The following MAP3K4 variants were observed in gnomAD, a reference collection of about 807,000 sequenced individuals.
The protein encoded by MAP3K4 is mitogen-activated protein kinase kinase kinase 4, also known as MAP three kinase 1.
MAP3K4 carries 67 observed loss-of-function variants against 185.6 expected under a neutral mutation model. The ratio of observed to expected loss-of-function variants is 0.36; its 90% CI spans 0.30 to 0.44. The LOEUF is 0.44. MAP3K4 is among the 20% of genes least tolerant of loss of function. The pLI, the probability that MAP3K4 is intolerant of heterozygous loss-of-function variation, is 1.00. For synonymous variants in MAP3K4, 702 were observed against 710.4 expected, an observed-to-expected ratio of 0.99 and a Z score of 0.19; for missense variants, 1,551 against 1,995.1, an observed-to-expected ratio of 0.78 and a Z score of 4.24.
chr6:161,049,409 A>C lies in MAP3K4; in HGVS notation c.1137A>C (p.Glu379Asp). 1 of 1,614,156 alleles carries C rather than the reference A, an allele frequency of 6.2e-7. No individual in the cohort carries two copies. The highest frequency in any genetic ancestry group is 1.1e-5 in the South Asian group (1 of 91,086). The change falls in exon 3 of 27, where the codon GAA (glutamate) becomes GAC (aspartate). Residue 379 changes from glutamate (E) to aspartate (D), a missense_variant. Physicochemically the swap from Glu to Asp is conservative, Grantham distance 45. Coordinates refer to ENST00000392142, the MANE Select transcript of MAP3K4 (RefSeq NM_005922.4). This position sits in a 1 kb window ranked among gnomAD's most constrained non-coding sequence, Gnocchi z 8.4. ...TGCAGGCTCTTCAGAAGGACTATGA[A>C]AAATATGCTGCAAAAGACTTCCAGG... is the stretch of plus-strand genomic sequence containing the variant. ...PSLQALQKDY[E>D]KYAAKDFQDR... is the part of the protein sequence containing the mutation.
At position 161,043,259 on chromosome 6, in the gene MAP3K4, A is replaced by G. The variant is rs946449499; in HGVS notation, c.344-5357A>G. ...ATATACAGGCTCAGTGTTCAGCCACACTCTTTTCTTTGCTGCCCTTGTGTC... is the reference window on the plus strand; with the variant it reads ...ATATACAGGCTCAGTGTTCAGCCACGCTCTTTTCTTTGCTGCCCTTGTGTC... On this transcript the variant is annotated intron_variant, in intron 2 of 26. Coordinates refer to ENST00000392142, the MANE Select transcript of MAP3K4 (RefSeq NM_005922.4). This position sits in a 1 kb window ranked among gnomAD's most constrained non-coding sequence, Gnocchi z 4.3. 1.3e-5 allele frequency among the ~76,000 whole-genome samples: 2 copies of G among 151,622 alleles called. No individual in the cohort carries two copies. The highest frequency in any genetic ancestry group is 2.4e-5 in the African/African-American group (1 of 41,216).
Position 161,106,394 on chromosome 6 carries a change from A to T in MAP3K4, c.3857-120A>T, listed in dbSNP as rs1778073816. 1 of 657,258 alleles carries T rather than the reference A, an allele frequency of 1.5e-6. No individual in the cohort carries two copies. Among genetic ancestry groups the T allele is most frequent in the African/African-American group, 1.8e-5 (1 of 55,156 alleles). The allele number at this position is 657,258 out of a possible 1,614,324, so 40.7% of individuals were successfully genotyped here. A position where few individuals can be genotyped will look rare whatever the true frequency, so the allele number is the denominator to read the frequency against. Reference sequence around the variant, plus strand: ...ATTCACCTGCTGTTTATCTGAATAGATAATAAGCTTTGCTGTAATGGAGTG... The same window carrying T: ...ATTCACCTGCTGTTTATCTGAATAGTTAATAAGCTTTGCTGTAATGGAGTG... On this transcript the variant is annotated intron_variant, in intron 19 of 26. Transcript: ENST00000392142. This position sits in a 1 kb window ranked among gnomAD's most constrained non-coding sequence, Gnocchi z 4.9.
At position 161,087,269 on chromosome 6, in the gene MAP3K4, G is replaced by A. The variant is rs1785775195; in HGVS notation, c.2557-419G>A. Among the ~76,000 whole-genome samples, 1 of 152,176 alleles carries A rather than the reference G, an allele frequency of 6.6e-6. No individual in the cohort carries two copies. The highest frequency in any genetic ancestry group is 6.5e-5 in the Admixed American group (1 of 15,284). On this transcript the variant is annotated intron_variant, in intron 9 of 26. Coordinates refer to ENST00000392142, the MANE Select transcript of MAP3K4 (RefSeq NM_005922.4). This position sits in a 1 kb window ranked among gnomAD's most constrained non-coding sequence, Gnocchi z 4.9. ...TGATCTCAAGGAGCCTTCTTGTGATGAACCCCTGGCTCCCTGCCCTGGAAT... is the reference window on the plus strand; with the variant it reads ...TGATCTCAAGGAGCCTTCTTGTGATAAACCCCTGGCTCCCTGCCCTGGAAT...
rs969840952 is a variant in MAP3K4 at position 161,097,277 on chromosome 6, C to T, written c.3524+101C>T. 4 of 969,368 alleles carry T rather than the reference C, an allele frequency of 4.1e-6. No homozygotes were observed. Among genetic ancestry groups the T allele is most frequent in the East Asian group, 2.5e-5 (1 of 40,812 alleles). 60.0% of individuals were successfully genotyped at this position (969,368 alleles called of 1,614,324 possible). A position where few individuals can be genotyped will look rare whatever the true frequency, so the allele number is the denominator to read the frequency against. On this transcript the variant is annotated intron_variant, in intron 16 of 26. Coordinates refer to ENST00000392142, the MANE Select transcript of MAP3K4 (RefSeq NM_005922.4). This position sits in a 1 kb window ranked among gnomAD's most constrained non-coding sequence, Gnocchi z 4.9. The stretch of plus-strand genomic sequence containing the variant: ...GATGCTTGCTCTGAGAGCTAAATAC[C>T]TTTTCTGCATTGTTCGTACGTAAAA...
At chr6:161,000,641 A>G (rs1781222247) in intron 1 of MAP3K4, among the ~76,000 whole-genome samples, 1 of 152,136 alleles carries the variant, frequency 6.6e-6, no homozygotes, top group Non-Finnish European at 1.5e-5. Flanking sequence ...AAAATTTTTC[A>G]CATAGAGCAG....
At position 161,088,038 on chromosome 6, in the gene MAP3K4, G is replaced by A; in HGVS notation, c.2823+84G>A. Reference sequence around the variant, plus strand: ...ACTGTTAGCTGCTCATGAATGAGGGGTTTGACTACCCTAGTAATCACAAGT... The same window carrying A: ...ACTGTTAGCTGCTCATGAATGAGGGATTTGACTACCCTAGTAATCACAAGT... On this transcript the variant is annotated intron_variant, in intron 10 of 26. Transcript: ENST00000392142. This position sits in a 1 kb window ranked among gnomAD's most constrained non-coding sequence, Gnocchi z 4.5. The A allele has an allele frequency of 7.2e-7, 1 of 1,398,538 alleles. No homozygotes were observed. The highest frequency in any genetic ancestry group is 1.3e-5 in the South Asian group (1 of 74,650). The allele number at this position is 1,398,538 out of a possible 1,614,324, so 86.6% of individuals were successfully genotyped here.
At position 160,992,006 on chromosome 6, in the gene MAP3K4, G is replaced by A. The variant is rs551836413; in HGVS notation, c.75G>A (p.Pro25=). ...AVTPAAAMEE[P]PPPPPPPPPP... is the part of the protein sequence containing the mutation. The stretch of plus-strand genomic sequence containing the variant: ...CGCCTGCCGCCGCCATGGAGGAGCC[G>A]CCGCCACCGCCGCCGCCGCCACCAC... The change falls in exon 1 of 27, where the codon CCG becomes CCA. Residue 25 remains proline (P), a synonymous_variant. Transcript: ENST00000392142. 1.3e-6 allele frequency: 2 copies of A among 1,543,834 alleles called. No homozygotes were observed. The highest frequency in any genetic ancestry group is 1.9e-5 in the Admixed American group (1 of 52,622).
At position 161,092,117 on chromosome 6, in the gene MAP3K4, T is replaced by C. The variant is rs146667244; in HGVS notation, c.3243T>C (p.Cys1081=). 1.2e-6 allele frequency: 2 copies of C among 1,613,908 alleles called. No homozygotes were observed. Among genetic ancestry groups the C allele is most frequent in the Non-Finnish European group, 1.7e-6 (2 of 1,179,868 alleles). ...GGATGAATTATGTCCTGACTAAATGTGAGAGTGGTAGAGGTACAAGACCCA... is the reference window on the plus strand; with the variant it reads ...GGATGAATTATGTCCTGACTAAATGCGAGAGTGGTAGAGGTACAAGACCCA... ...RKWMNYVLTK[C]ESGRGTRPRW... is the part of the protein sequence containing the mutation. Residue 1081 remains cysteine, a synonymous_variant, in exon 13 of 27, where the codon TGT becomes TGC. Transcript: ENST00000392142.
chr6:160,992,126 C>T (rs746305088), intron 1 of MAP3K4, 43 bp downstream of exon 1: 8 of 1,501,804 alleles, frequency 5.3e-6, no homozygotes, highest in Non-Finnish European at 7.1e-6. Context: ...GAAAGCGGGG[C>T]GGGTCCTGGC....
Position 161,056,154 on chromosome 6 carries a change from G to T in MAP3K4, c.1707+6175G>T, listed in dbSNP as rs1325168718. On this transcript the variant is annotated intron_variant, in intron 3 of 26. Transcript: ENST00000392142. The surrounding 1 kb of genome is among the most constrained non-coding windows in gnomAD (Gnocchi z 5.4). ...GTTTGATATGCTCCCCTCTTTTGTT[G>T]TATTATTTTCCTTTTGATTTGCTTT... 6.6e-6 allele frequency among the ~76,000 whole-genome samples: 1 copy of T among 152,100 alleles called. No homozygotes were observed. The highest frequency in any genetic ancestry group is 2.1e-4 in the South Asian group (1 of 4,820).
At chr6:161,069,053 A>G (rs968905368) in intron 3 of MAP3K4, among the ~76,000 whole-genome samples, 3 of 152,224 alleles carry the variant, frequency 2.0e-5, no homozygotes, top group Non-Finnish European at 4.4e-5. Context: ...CTAATGTTAT[A>G]TGTAGTATGT....
chr6:161,083,703 C>T (rs1472298149), intron 6 of MAP3K4, among the ~76,000 whole-genome samples: 1 of 152,208 alleles, frequency 6.6e-6, no homozygotes, highest in Non-Finnish European at 1.5e-5. Context: ...TCCGCCTTTT[C>T]CATTTTCTTC....
intron 5 of MAP3K4, among the ~76,000 whole-genome samples, chr6:161,078,041 T>C (rs1785261699): frequency 6.6e-6 from 1 of 152,180 alleles, no homozygotes; most frequent in South Asian, 2.1e-4. Flanking sequence ...TAGGTTTGCA[T>C]GTTTGGGACC....
In MAP3K4 at chr6:161,082,209, TAGTC is replaced by T. The variant is rs957057629; in HGVS notation, c.2255+1174_2255+1177del. Among the ~76,000 whole-genome samples the T allele has an allele frequency of 6.6e-6, 1 of 152,052 alleles. No homozygotes were observed. Among genetic ancestry groups the T allele is most frequent in the Non-Finnish European group, 1.5e-5 (1 of 68,030 alleles). On this transcript the variant is annotated intron_variant, in intron 6 of 26. Transcript: ENST00000392142. The surrounding 1 kb of genome is among the most constrained non-coding windows in gnomAD (Gnocchi z 4.2). ...GCTTGTCTGTTCAGCTTGGTGCCCA[TAGTC>T]AGCCTTTTTAAAAAAGGCATTCATT...
rs966619811 is a variant in MAP3K4, at chr6:161,100,411, A to G, written c.3675-1481A>G. Among the ~76,000 whole-genome samples the G allele has an allele frequency of 1.3e-5, 2 of 152,194 alleles. No homozygotes were observed. The highest frequency in any genetic ancestry group is 4.8e-5 in the African/African-American group (2 of 41,440). ...CCTAGAGGTTTCAATAAGTATTTTTAATTGATTTTACTTGACCTAGGAAAT... is the reference window on the plus strand; with the variant it reads ...CCTAGAGGTTTCAATAAGTATTTTTGATTGATTTTACTTGACCTAGGAAAT... On this transcript the variant is annotated intron_variant, in intron 17 of 26. Transcript: ENST00000392142. The surrounding 1 kb of genome is among the most constrained non-coding windows in gnomAD (Gnocchi z 5.8).
At chr6:161,035,846 T>C (rs900612286) in intron 2 of MAP3K4, among the ~76,000 whole-genome samples, 2 of 152,202 alleles carry the variant, frequency 1.3e-5, no homozygotes, top group African/African-American at 4.8e-5. Context: ...TGTTGATTCA[T>C]ACTATTTTAG....
intron 18 of MAP3K4, among the ~76,000 whole-genome samples, 173 bp from the exon 19 acceptor site, chr6:161,102,526 A>G (rs1157318945): frequency 1.3e-5 from 2 of 152,296 alleles, no homozygotes; most frequent in East Asian, 1.9e-4. Flanking sequence ...AGTTGGTGCA[A>G]TTTTTAGAAT....
chr6:161,093,039 C>G lies in MAP3K4; in HGVS notation c.3331C>G (p.Pro1111Ala). ...TGAACCTGCCTTTATTTCAGCTTTA[C>G]CAGAAGATGACTTCTTGGTATGGAT... is the stretch of plus-strand genomic sequence containing the variant. ...AIEPAFISAL[P>A]EDDFLSLQAL... The change falls in exon 14 of 27, where the codon CCA (proline) becomes GCA (alanine). Residue 1111 changes from proline to alanine, a missense_variant. Pro to Ala is a conservative substitution (Grantham distance 27). Coordinates refer to ENST00000392142, the MANE Select transcript of MAP3K4 (RefSeq NM_005922.4). The surrounding 1 kb of genome is among the most constrained non-coding windows in gnomAD (Gnocchi z 5.2). 1 of 1,612,472 alleles carries G rather than the reference C, an allele frequency of 6.2e-7. No homozygotes were observed. Among genetic ancestry groups the G allele is most frequent in the South Asian group, 1.1e-5 (1 of 90,984 alleles).
At chr6:161,052,731 G>A (rs190298953) in intron 3 of MAP3K4, among the ~76,000 whole-genome samples, 247 of 152,260 alleles carry the variant, frequency 1.6e-3, no homozygotes, top group Middle Eastern at 6.8e-3. Flanking sequence ...GGAGGCGTGT[G>A]TGTGTGCGTG....
Sources: gnomAD v4.1 joint callset for allele counts (sites outside exome capture counted in the v4.1 genomes callset) on GRCh38, gnomAD v4.1.1 for gene constraint, Gnocchi (gnomAD v3.1) non-coding constraint, MANE v1.5 for transcripts, NCBI Gene and HGNC (gene_info 2026-07-23, HGNC 2026-07-21) for gene names.